Variants in BTBD3 observed in about 807,000 individuals in gnomAD.
BTBD3 encodes the protein BTB domain containing 3, also known as BTB/POZ domain-containing protein 3.
A neutral mutation model predicts 41.6 loss-of-function variants in BTBD3; 14 were observed. The ratio of observed to expected loss-of-function variants is 0.34; its 90% CI spans 0.22 to 0.53. The LOEUF (loss-of-function observed/expected upper bound fraction) is 0.53. Ranked by LOEUF, BTBD3 falls within the 20% of genes least tolerant of loss-of-function variation. The pLI is 0.95. For missense variants in BTBD3, 426 were observed against 654.7 expected, an observed-to-expected ratio of 0.65 and a Z score of 3.81; for synonymous variants, 249 against 233.7, an observed-to-expected ratio of 1.07 and a Z score of -0.60.
intron 2 of BTBD3, 120 bp downstream of exon 2, chr20:11,919,296 T>A (rs1339204985): frequency 1.3e-5 from 17 of 1,344,512 alleles, no homozygotes; most frequent in Non-Finnish European, 1.7e-5. Context: ...TTCACTCGAT[T>A]AGGGAGAGAG....
At chr20:11,902,281 C>G (rs1206391976) in intron 1 of BTBD3, among the ~76,000 whole-genome samples, 1 of 152,088 alleles carries the variant, frequency 6.6e-6, no homozygotes, top group African/African-American at 2.4e-5. Context: ...GTACTGTATT[C>G]ATCAATATTG....
upstream of BTBD3, among the ~76,000 whole-genome samples, chr20:11,916,232 G>A (rs1266495296): frequency 6.6e-6 from 1 of 152,178 alleles, no homozygotes; most frequent in Admixed American, 6.5e-5. Flanking sequence ...AAGTGGTCAA[G>A]GAAGTTCAGT....
At chr20:11,891,787 G>A (rs911413043) in intron 1 of BTBD3, among the ~76,000 whole-genome samples, 2 of 152,268 alleles carry the variant, frequency 1.3e-5, no homozygotes, top group Non-Finnish European at 2.9e-5. Context: ...GTGAAAGCGA[G>A]CTAATTCTAT....
chr20:11,903,717 C>T (rs906056507), intron 1 of BTBD3, among the ~76,000 whole-genome samples: 3 of 152,028 alleles, frequency 2.0e-5, no homozygotes, highest in Non-Finnish European at 4.4e-5. Context: ...AGTGATTCTT[C>T]TGCTTCAGCG....
At chr20:11,913,829 T>G (rs1483384345), upstream of BTBD3, among the ~76,000 whole-genome samples, 1 of 152,230 alleles carries the variant, frequency 6.6e-6, no homozygotes, top group African/African-American at 2.4e-5. Context: ...CTAAGTGAGC[T>G]TAAATTCTGT....
intron 1 of BTBD3, among the ~76,000 whole-genome samples, chr20:11,892,324 C>G (rs115263055): frequency 6.6e-6 from 1 of 152,190 alleles, no homozygotes; most frequent in Non-Finnish European, 1.5e-5. Flanking sequence ...ACCTCAGTCC[C>G]CTACTCAACC....
chr20:11,894,205 C>A (rs1274794998), intron 1 of BTBD3, among the ~76,000 whole-genome samples: 1 of 152,192 alleles, frequency 6.6e-6, no homozygotes, highest in Non-Finnish European at 1.5e-5. Context: ...GACCAAATGA[C>A]GTAGGCTCAG....
chr20:11,891,434 C>T (rs956592775), intron 1 of BTBD3: 1 of 151,884 alleles, frequency 6.6e-6, no homozygotes, highest in Non-Finnish European at 1.5e-5. Context: ...GGAAGCGGAG[C>T]AAACTTCCCC....
rs148748118 is a variant in BTBD3 at position 11,898,547 on chromosome 20, A to G, written c.-126+7593A>G. On this transcript the variant is annotated intron_variant, in intron 1 of 4. Coordinates refer to the BTBD3 transcript ENST00000254977. The stretch of plus-strand genomic sequence containing the variant: ...ATTTTGTGAATTGCCTCTCTTTCCT[A>G]CCTCTGCTAGACTATAAATTCCTTG... Among the ~76,000 whole-genome samples the G allele has an allele frequency of 3.2e-4, 49 of 152,116 alleles. No individual in the cohort carries two copies. The East Asian group carries it at 5.6e-3, about 17-fold the overall frequency.
chr20:11,913,406 T>TAG (rs1338369283), upstream of BTBD3: 3 of 72,554 alleles, frequency 4.1e-5, no homozygotes, highest in African/African-American at 1.3e-4. Context: ...TTCTTGCCTG[T>TAG]AGTGTGCCCC....
intron 1 of BTBD3, among the ~76,000 whole-genome samples, chr20:11,897,936 T>C (rs2056798062): frequency 6.6e-6 from 1 of 152,110 alleles, no homozygotes; most frequent in Non-Finnish European, 1.5e-5. Flanking sequence ...GGTGGGCAGA[T>C]CACTTGAGGT....
At chr20:11,898,455 C>T (rs979604076) in intron 1 of BTBD3, among the ~76,000 whole-genome samples, 2 of 152,222 alleles carry the variant, frequency 1.3e-5, no homozygotes, top group African/African-American at 4.8e-5. Context: ...CTGTATGTCT[C>T]TTGCAGTGCT....
Position 11,926,161 on chromosome 20 carries a change from C to T in BTBD3, c.*2495C>T, listed in dbSNP as rs1416670578. The T allele has an allele frequency of 6.6e-6, 1 of 152,556 alleles. No homozygotes were observed. Among genetic ancestry groups the T allele is most frequent in the Non-Finnish European group, 1.5e-5 (1 of 68,026 alleles). The allele number at this position is 152,556 out of a possible 1,614,324, so 9.5% of individuals were successfully genotyped here. On this transcript the variant is annotated 3_prime_UTR_variant, in exon 4 of 4. Transcript: ENST00000378226. ...TTCTAACAAAGCAGGCAACTTTATT[C>T]TATAAACACAACTTTATTAAGCAGA...
chr20:11,894,067 C>T (rs1254891543), intron 1 of BTBD3, among the ~76,000 whole-genome samples: 1 of 152,232 alleles, frequency 6.6e-6, no homozygotes, highest in Non-Finnish European at 1.5e-5. Flanking sequence ...CCAATCCTAG[C>T]ACGGCCACTT....
chr20:11,903,761 C>T (rs575552908), intron 1 of BTBD3, among the ~76,000 whole-genome samples: 5 of 152,200 alleles, frequency 3.3e-5, no homozygotes, highest in African/African-American at 9.6e-5. Flanking sequence ...TGCCCGCCAC[C>T]ATGCCCAGCT....
chr20:11,896,961 TC>T (rs2056790678), intron 1 of BTBD3, among the ~76,000 whole-genome samples: 1 of 152,236 alleles, frequency 6.6e-6, no homozygotes, highest in South Asian at 2.1e-4. Context: ...TCAAGTCACA[TC>T]TTTACCTGTT....
chr20:11,921,570 C>T (rs1032156825), intron 3 of BTBD3: 3 of 152,196 alleles, frequency 2.0e-5, no homozygotes, highest in Admixed American at 2.0e-4. Flanking sequence ...ACAGTCAGAG[C>T]ATCACTGAGC....
chr20:11,894,218 C>T (rs886404280), intron 1 of BTBD3, among the ~76,000 whole-genome samples: 9 of 152,184 alleles, frequency 5.9e-5, no homozygotes, highest in African/African-American at 1.4e-4. Context: ...AGGCTCAGTA[C>T]GTAAGAGTGG....
intron 3 of BTBD3, among the ~76,000 whole-genome samples, chr20:11,922,425 T>C (rs2122329257): frequency 6.6e-6 from 1 of 152,334 alleles, no homozygotes; most frequent in Non-Finnish European, 1.5e-5. Context: ...ACAAAGTTAA[T>C]ATCTTTAATT....
Sources: gnomAD v4.1 joint callset for allele counts (sites outside exome capture counted in the v4.1 genomes callset) on GRCh38, gnomAD v4.1.1 for gene constraint, MANE v1.5 for transcripts, NCBI Gene and HGNC (gene_info 2026-07-23, HGNC 2026-07-21) for gene names.